Variants in ZNF454 observed in about 807,000 individuals in gnomAD.
ZNF454 encodes the protein zinc finger protein 454.
A neutral mutation model predicts 48.2 loss-of-function variants in ZNF454; 30 were observed. The ratio of observed to expected loss-of-function variants is 0.62; its 90% CI spans 0.47 to 0.84. The LOEUF is 0.84. Ranked by LOEUF, ZNF454 falls within the 40% of genes least tolerant of loss-of-function variation. The pLI is 0.00. For synonymous variants in ZNF454, 204 were observed against 211.4 expected, an observed-to-expected ratio of 0.97 and a Z score of 0.30; for missense variants, 510 against 623.1, an observed-to-expected ratio of 0.82 and a Z score of 1.93.
chr5:178,947,133 C>A, intron 4 of ZNF454, 147 bp downstream of exon 4: 2 of 676,530 alleles, frequency 3.0e-6, no homozygotes, highest in Non-Finnish European at 2.6e-6. Context: ...TACCTTGTTG[C>A]TACTTTTGTT....
chr5:178,959,707 G>A (rs56790802), intron 4 of ZNF454, among the ~76,000 whole-genome samples: 15,756 of 151,858 alleles, frequency 0.1, 1,099 homozygotes, highest in African/African-American at 0.2. Context: ...CTGGGTTCAC[G>A]CCATTCTGCT....
chr5:178,986,993 G>A, the ZNF454 span: 1 of 1,612,862 alleles, frequency 6.2e-7, no homozygotes, highest in Non-Finnish European at 8.5e-7. Context: ...CCTGGAGAGA[G>A]AGTCCGTCAT....
the ZNF454 span, chr5:178,983,576 G>GAT: frequency 2.3e-6 from 1 of 442,314 alleles, no homozygotes; most frequent in Non-Finnish European, 4.5e-6. Flanking sequence ...CTTCAAGGTA[G>GAT]ATGGATGTGG....
the ZNF454 span, among the ~76,000 whole-genome samples, chr5:178,983,912 G>A: frequency 6.6e-6 from 1 of 152,246 alleles, no homozygotes; most frequent in African/African-American, 2.4e-5. Context: ...CTGTACGAGA[G>A]CGCCTGATTG....
the ZNF454 span, chr5:178,983,124 ACCCCTCTGG>A: frequency 6.2e-7 from 1 of 1,613,750 alleles, no homozygotes; most frequent in African/African-American, 1.3e-5. Flanking sequence ...GCACTTGAGC[ACCCCTCTGG>A]CCTGCTCGGG....
At chr5:178,985,563 C>T in the ZNF454 span, 30,271 of 337,478 alleles carry the variant, frequency 0.09, 4,054 homozygotes, top group African/African-American at 0.4. Flanking sequence ...ATTAGCCGGG[C>T]GTGGTGGCGG....
chr5:178,962,987 A>T (rs374895325), intron 4 of ZNF454, among the ~76,000 whole-genome samples: 2 of 151,790 alleles, frequency 1.3e-5, no homozygotes, highest in African/African-American at 4.8e-5. Flanking sequence ...ACATGTTATT[A>T]TGACCTCTCC....
chr5:178,942,751 C>T lies in ZNF454; in HGVS notation c.-41C>T, dbSNP rs753198538. ...TGAAGCTCCACACCTGCCTCCATAGCACTTTGCCTGTCCCTAAGAGGGCTC... is the reference window on the plus strand; with the variant it reads ...TGAAGCTCCACACCTGCCTCCATAGTACTTTGCCTGTCCCTAAGAGGGCTC... On this transcript the variant is annotated 5_prime_UTR_variant, in exon 2 of 5. Coordinates refer to ENST00000519564, the MANE Select transcript of ZNF454 (RefSeq NM_001178089.3). 2 of 1,613,600 alleles carry T rather than the reference C, an allele frequency of 1.2e-6. No individual in the cohort carries two copies. Among genetic ancestry groups the T allele is most frequent in the Non-Finnish European group, 1.7e-6 (2 of 1,179,658 alleles).
At chr5:178,961,183 C>T (rs1760003039) in intron 4 of ZNF454, among the ~76,000 whole-genome samples, 1 of 151,584 alleles carries the variant, frequency 6.6e-6, no homozygotes, top group Admixed American at 6.6e-5. Context: ...TCCGCCTCAG[C>T]CTCCCAAAGT....
the ZNF454 span, chr5:178,989,381 C>T: frequency 6.2e-6 from 10 of 1,613,874 alleles, no homozygotes; most frequent in Middle Eastern, 1.6e-4. Flanking sequence ...CTCCAGGGAT[C>T]GAGTCATGAA....
intron 2 of ZNF454, among the ~76,000 whole-genome samples, chr5:178,943,754 G>A (rs548929644): frequency 2.5e-4 from 38 of 152,296 alleles, no homozygotes; most frequent in African/African-American, 7.9e-4. Flanking sequence ...GGCCAGACGC[G>A]GTGGCTCACG....
At chr5:178,985,368 G>C in the ZNF454 span, 1 of 401,210 alleles carries the variant, frequency 2.5e-6, no homozygotes, top group Non-Finnish European at 4.9e-6. Context: ...CTGAGCTGCT[G>C]TCACAGGAGG....
At position 178,946,591 on chromosome 5, in the gene ZNF454, C is replaced by T. The variant is rs933483632; in HGVS notation, c.160+106C>T. 2.1e-6 allele frequency: 3 copies of T among 1,441,466 alleles called. No homozygotes were observed. The African/African-American group carries it at 4.3e-5, about 21-fold the overall frequency. The allele number at this position is 1,441,466 out of a possible 1,614,324, so 89.3% of individuals were successfully genotyped here. A position where few individuals can be genotyped will look rare whatever the true frequency, so the allele number is the denominator to read the frequency against. On this transcript the variant is annotated intron_variant, in intron 3 of 4. Coordinates refer to ENST00000519564, the MANE Select transcript of ZNF454 (RefSeq NM_001178089.3). The surrounding 1 kb of genome is among the most constrained non-coding windows in gnomAD (Gnocchi z 4.5). The stretch of plus-strand genomic sequence containing the variant: ...CGGTTGGACCAACTGAGGACGCTGT[C>T]TTCAAGGGTGCCATTAATTTTACCT...
At chr5:178,977,528 C>T in the ZNF454 span, 1 of 297,026 alleles carries the variant, frequency 3.4e-6, no homozygotes, top group African/African-American at 2.2e-5. Flanking sequence ...AAACAGTAAT[C>T]CACAAATGAA....
chr5:178,978,154 A>T, the ZNF454 span, among the ~76,000 whole-genome samples: 2 of 152,190 alleles, frequency 1.3e-5, no homozygotes, highest in Non-Finnish European at 2.9e-5. Context: ...TTAGTTTGGA[A>T]TTTTTCACGT....
the ZNF454 span, among the ~76,000 whole-genome samples, chr5:178,988,084 T>C: frequency 6.6e-6 from 1 of 152,154 alleles, no homozygotes; most frequent in African/African-American, 2.4e-5. This position sits in a 1 kb window ranked among gnomAD's most constrained non-coding sequence, Gnocchi z 6.0. Flanking sequence ...ATCACTGAAC[T>C]CTACACTTAA....
At chr5:178,977,973 C>T in the ZNF454 span, among the ~76,000 whole-genome samples, 3 of 152,172 alleles carry the variant, frequency 2.0e-5, no homozygotes, top group Non-Finnish European at 4.4e-5. Flanking sequence ...CTTATCAGAG[C>T]CTTATTCCTT....
chr5:178,949,762 G>A (rs1759482420), intron 4 of ZNF454, among the ~76,000 whole-genome samples: 2 of 152,054 alleles, frequency 1.3e-5, no homozygotes, highest in South Asian at 4.1e-4. Flanking sequence ...GATTATAGGT[G>A]TGCACCACCA....
chr5:178,981,570 C>T, the ZNF454 span: 4 of 1,045,896 alleles, frequency 3.8e-6, no homozygotes, highest in Admixed American at 7.7e-5. This position sits in a 1 kb window ranked among gnomAD's most constrained non-coding sequence, Gnocchi z 5.1. Flanking sequence ...TGACTGTTCA[C>T]CGTGGACCCG....
Sources: gnomAD v4.1 joint callset for allele counts (sites outside exome capture counted in the v4.1 genomes callset) on GRCh38, gnomAD v4.1.1 for gene constraint, Gnocchi (gnomAD v3.1) non-coding constraint, MANE v1.5 for transcripts, NCBI Gene and HGNC (gene_info 2026-07-23, HGNC 2026-07-21) for gene names.